APBA1: variants seen among roughly 807,000 people sequenced by gnomAD.
APBA1 encodes amyloid beta precursor protein binding family A member 1, also known as amyloid-beta A4 precursor protein-binding family A member 1.
A neutral mutation model predicts 86.6 loss-of-function variants in APBA1; 55 were observed. The ratio of observed to expected loss-of-function variants is 0.64; its 90% CI spans 0.51 to 0.80. The LOEUF is 0.80. Ranked by LOEUF, APBA1 falls within the 30% of genes least tolerant of loss-of-function variation. The pLI is 0.00. For missense variants in APBA1, 1,090 were observed against 1,183.0 expected (o/e 0.92, Z 1.15); for synonymous variants, 511 against 493.9 (o/e 1.03, Z -0.46).
chr9:69,525,710 T>G (rs1175067903), intron 1 of APBA1, among the ~76,000 whole-genome samples: 2 of 152,106 alleles, frequency 1.3e-5, no homozygotes, highest in African/African-American at 4.8e-5. Flanking sequence ...TTCACAGAAC[T>G]AGAGAAAACT....
At chr9:69,470,304 A>G (rs1231655724) in intron 4 of APBA1, among the ~76,000 whole-genome samples, 5 of 152,208 alleles carry the variant, frequency 3.3e-5, no homozygotes, top group African/African-American at 9.6e-5. Flanking sequence ...ATGTCAGAGA[A>G]TTGCAGGTTT....
chr9:69,634,592 G>A (rs902248676), intron 1 of APBA1, among the ~76,000 whole-genome samples: 2 of 152,052 alleles, frequency 1.3e-5, no homozygotes, highest in African/African-American at 2.4e-5. Flanking sequence ...CCCAAACCTA[G>A]AGAAAGATAT....
At chr9:69,649,677 G>A (rs7049167) in intron 1 of APBA1, among the ~76,000 whole-genome samples, 139,062 of 152,176 alleles carry the variant, frequency 0.91, 64,137 homozygotes, top group East Asian at 1. Context: ...GATACAGTGC[G>A]AACACATGTA....
intron 1 of APBA1, among the ~76,000 whole-genome samples, chr9:69,530,304 GTGTA>G (rs879804194): frequency 0.21 from 20,030 of 94,792 alleles, 1,532 homozygotes; most frequent in African/African-American, 0.27. Flanking sequence ...AGTTGTGTGT[GTGTA>G]TATATATATA....
chr9:69,559,027 G>A (rs1836908343), intron 1 of APBA1, among the ~76,000 whole-genome samples: 1 of 152,030 alleles, frequency 6.6e-6, no homozygotes, highest in Non-Finnish European at 1.5e-5. Flanking sequence ...ACTCCTCAAA[G>A]TCATTATTAT....
chr9:69,670,032 T>C (rs1052055093), intron 1 of APBA1, among the ~76,000 whole-genome samples: 2 of 152,206 alleles, frequency 1.3e-5, no homozygotes, highest in Admixed American at 6.5e-5. Flanking sequence ...CAGAAAGACA[T>C]TTGGCATAAC....
intron 1 of APBA1, among the ~76,000 whole-genome samples, chr9:69,595,976 GT>G (rs1214267344): frequency 6.6e-6 from 1 of 152,006 alleles, no homozygotes; most frequent in African/African-American, 2.4e-5. Flanking sequence ...TGATTGTTTT[GT>G]TTTTTTGCAT....
At chr9:69,453,723 C>T (rs902106828) in intron 8 of APBA1, among the ~76,000 whole-genome samples, 2 of 152,176 alleles carry the variant, frequency 1.3e-5, no homozygotes, top group African/African-American at 4.8e-5. Flanking sequence ...AACCCCCTGA[C>T]GGTCTGGGGA....
At chr9:69,523,909 A>G (rs1204890135) in intron 1 of APBA1, among the ~76,000 whole-genome samples, 1 of 152,156 alleles carries the variant, frequency 6.6e-6, no homozygotes, top group Non-Finnish European at 1.5e-5. Context: ...ATGGAATAAA[A>G]TAGAAATCAA....
rs866978596 is a variant in APBA1 at position 69,516,799 on chromosome 9, C to T, written c.412G>A (p.Ala138Thr). Residue 138 changes from alanine to threonine, a missense_variant, in exon 2 of 13, where the codon GCC becomes ACC. Coordinates refer to ENST00000265381, the MANE Select transcript of APBA1 (RefSeq NM_001163.4). This position sits in a 1 kb window ranked among gnomAD's most constrained non-coding sequence, Gnocchi z 7.3. ...EYTEQAEAEH[A>T]EATHRRALPN... ...AGCGCGCGGCGGTGCGTGGCCTCGGCGTGCTCGGCCTCTGCCTGCTCCGTG... is the reference window on the plus strand; with the variant it reads ...AGCGCGCGGCGGTGCGTGGCCTCGGTGTGCTCGGCCTCTGCCTGCTCCGTG... 1.9e-6 allele frequency: 3 copies of T among 1,609,292 alleles called. No homozygotes were observed. Among genetic ancestry groups the T allele is most frequent in the Middle Eastern group, 3.3e-4 (2 of 6,058 alleles).
chr9:69,670,654 A>G (rs1823930405), intron 1 of APBA1, among the ~76,000 whole-genome samples: 1 of 152,088 alleles, frequency 6.6e-6, no homozygotes, highest in South Asian at 2.1e-4. Flanking sequence ...CCCTACCTAC[A>G]CACACCTATC....
chr9:69,541,262 C>A (rs1049707201), intron 1 of APBA1, among the ~76,000 whole-genome samples: 21 of 145,598 alleles, frequency 1.4e-4, no homozygotes, highest in African/African-American at 3.3e-4. Context: ...CCCCCCCCCC[C>A]ATTCTGTTTT....
chr9:69,463,203 A>T (rs974403159), intron 5 of APBA1: 2 of 152,148 alleles, frequency 1.3e-5, no homozygotes, highest in African/African-American at 4.8e-5. Context: ...CCCTCAGCTT[A>T]CCTTGTATTT....
At chr9:69,519,604 C>T (rs1448755623) in intron 1 of APBA1, among the ~76,000 whole-genome samples, 2 of 152,174 alleles carry the variant, frequency 1.3e-5, no homozygotes, top group African/African-American at 4.8e-5. Context: ...AAACATATCA[C>T]AGACTTTCTT....
intron 12 of APBA1, 96 bp downstream of exon 12, chr9:69,432,440 T>A (rs1394431678): frequency 2.4e-6 from 3 of 1,271,766 alleles, no homozygotes; most frequent in Non-Finnish European, 3.1e-6. Flanking sequence ...CTCAGGGAGC[T>A]TTCCTGGAAG....
At chr9:69,486,458 GA>G (rs1835611333) in intron 2 of APBA1, among the ~76,000 whole-genome samples, 1 of 152,092 alleles carries the variant, frequency 6.6e-6, no homozygotes, top group African/African-American at 2.4e-5. Flanking sequence ...AAACAAAGAG[GA>G]AGGAGACCTG....
intron 1 of APBA1, among the ~76,000 whole-genome samples, chr9:69,539,550 G>A (rs1443577444): frequency 6.6e-6 from 1 of 152,140 alleles, no homozygotes; most frequent in Non-Finnish European, 1.5e-5. Flanking sequence ...CATGTCAACA[G>A]CTTCCTAATT....
At chr9:69,659,610 G>A (rs1823711400) in intron 1 of APBA1, among the ~76,000 whole-genome samples, 1 of 152,112 alleles carries the variant, frequency 6.6e-6, no homozygotes, top group African/African-American at 2.4e-5. Context: ...TGTTTCACAG[G>A]GAGCAGCTTA....
intron 1 of APBA1, among the ~76,000 whole-genome samples, chr9:69,517,652 C>T (rs147655443): frequency 9.8e-5 from 15 of 152,290 alleles, no homozygotes; most frequent in African/African-American, 3.6e-4. Context: ...TAAATCTCTC[C>T]AAATTAAACT....
Sources: allele counts gnomAD v4.1 joint callset (sites outside exome capture counted in the v4.1 genomes callset), GRCh38; gene constraint gnomAD v4.1.1; non-coding constraint Gnocchi (gnomAD v3.1); transcripts MANE v1.5; gene names NCBI Gene and HGNC (gene_info 2026-07-23, HGNC 2026-07-21).